Variants in FHIT observed in about 807,000 individuals in gnomAD.
FHIT encodes bis(5'-adenosyl)-triphosphatase.
FHIT carries 19 observed loss-of-function variants against 17.9 expected under a neutral mutation model. The ratio of observed to expected loss-of-function variants is 1.06; its 90% confidence interval spans 0.74 to 1.56. The LOEUF (loss-of-function observed/expected upper bound fraction) is 1.56. Among genes scored for constraint, FHIT ranks in the 40% most tolerant of loss-of-function variants. The pLI is 0.00. For synonymous variants in FHIT, 81 were observed against 69.7 expected (o/e 1.16, Z -0.81); for missense variants, 248 against 189.2 (o/e 1.31, Z -1.82).
chr3:60,116,360 G>A (rs1283940165), intron 5 of FHIT, among the ~76,000 whole-genome samples: 3 of 152,120 alleles, frequency 2.0e-5, no homozygotes, highest in South Asian at 2.1e-4. Flanking sequence ...TGGAACAGTG[G>A]CACAAAGTAT....
At chr3:60,513,682 G>A (rs1184851379) in intron 5 of FHIT, among the ~76,000 whole-genome samples, 1 of 152,112 alleles carries the variant, frequency 6.6e-6, no homozygotes, top group African/African-American at 2.4e-5. Context: ...ATGGACACAG[G>A]GAACAATACA....
rs572670863 is a variant in FHIT, at chr3:60,991,409, G to A, written c.-111+50638C>T. Among the ~76,000 whole-genome samples, 3 of 150,308 alleles carry A rather than the reference G, an allele frequency of 2.0e-5. No homozygotes were observed. In the East Asian group the frequency reaches 5.8e-4, roughly 29 times the overall value. ...GTATTTTATATTAATGACAAGGACA[G>A]CCACCGAAGGTTCAAATCTCGGAAA... is the stretch of plus-strand genomic sequence containing the variant. On this transcript the variant is annotated intron_variant, in intron 3 of 9. Transcript: ENST00000492590.
intron 5 of FHIT, among the ~76,000 whole-genome samples, chr3:60,458,852 G>A (rs1389321623): frequency 6.6e-6 from 1 of 152,098 alleles, no homozygotes; most frequent in Non-Finnish European, 1.5e-5. Context: ...ACGGCTCACT[G>A]CAGCCTTGAA....
chr3:60,966,973 C>T (rs1221258933), intron 3 of FHIT, among the ~76,000 whole-genome samples: 2 of 152,180 alleles, frequency 1.3e-5, no homozygotes, highest in Non-Finnish European at 2.9e-5. Context: ...CTTTCAAAAA[C>T]TGTCATGGTT....
chr3:61,064,683 G>A (rs138833968), intron 2 of FHIT, among the ~76,000 whole-genome samples: 10 of 152,098 alleles, frequency 6.6e-5, no homozygotes, highest in Admixed American at 3.3e-4. Context: ...ACTTGAGAAC[G>A]CCCACACGCT....
intron 4 of FHIT, among the ~76,000 whole-genome samples, chr3:60,566,293 G>A (rs984963284): frequency 6.6e-6 from 1 of 152,088 alleles, no homozygotes; most frequent in African/African-American, 2.4e-5. Context: ...GGGATGCAAG[G>A]CTGGTTCAAC....
chr3:59,805,852 C>G (rs1294454043), intron 8 of FHIT, among the ~76,000 whole-genome samples: 1 of 152,154 alleles, frequency 6.6e-6, no homozygotes, highest in Non-Finnish European at 1.5e-5. Context: ...TCTGTAGACA[C>G]TACTTCTCTC....
At chr3:60,408,054 A>G (rs906389503) in intron 5 of FHIT, among the ~76,000 whole-genome samples, 1 of 152,100 alleles carries the variant, frequency 6.6e-6, no homozygotes, top group African/African-American at 2.4e-5. Context: ...ATCTGAGAAA[A>G]TTTTCCTCAA....
chr3:60,322,904 T>C (rs567798650), intron 5 of FHIT, among the ~76,000 whole-genome samples: 5 of 152,092 alleles, frequency 3.3e-5, no homozygotes, highest in Non-Finnish European at 7.4e-5. Flanking sequence ...AAAAATACAA[T>C]GTTTAACTAG....
At chr3:60,743,458 G>A (rs1553714428) in intron 4 of FHIT, among the ~76,000 whole-genome samples, 1 of 152,200 alleles carries the variant, frequency 6.6e-6, no homozygotes, top group Non-Finnish European at 1.5e-5. Context: ...GCACCTCCAG[G>A]AAGCTTATGG....
chr3:60,384,261 C>T lies in FHIT; in HGVS notation c.103+152599G>A, dbSNP rs543852978. On this transcript the variant is annotated intron_variant, in intron 5 of 9. Transcript: ENST00000492590. ...CCAGCCTGGTGACAGACCAAGACTC[C>T]GTCTTAAAAAAAAAAAAAAAAATTG... Among the ~76,000 whole-genome samples, 502 of 136,668 alleles carry T rather than the reference C, an allele frequency of 3.7e-3. 9 individuals carry two copies. In the Middle Eastern group the frequency reaches 0.047, roughly 13 times the overall value. The allele number at this position is 136,668 out of a possible 152,430, so 89.7% of individuals were successfully genotyped here.
chr3:60,398,737 T>G (rs1279872121), intron 5 of FHIT, among the ~76,000 whole-genome samples: 1 of 152,278 alleles, frequency 6.6e-6, no homozygotes, highest in African/African-American at 2.4e-5. Context: ...ATCCAAATTT[T>G]GTGGAAGGAA....
At chr3:60,797,527 C>T (rs1701027443) in intron 4 of FHIT, among the ~76,000 whole-genome samples, 1 of 151,296 alleles carries the variant, frequency 6.6e-6, no homozygotes, top group South Asian at 2.1e-4. Context: ...TATTTTCTTT[C>T]ATCAGAATCT....
At chr3:59,823,807 TCAC>T (rs1329696326) in intron 8 of FHIT, among the ~76,000 whole-genome samples, 2 of 152,120 alleles carry the variant, frequency 1.3e-5, no homozygotes, top group Admixed American at 6.6e-5. Flanking sequence ...ATGCCCTCTG[TCAC>T]CACTTCTATT....
intron 8 of FHIT, among the ~76,000 whole-genome samples, chr3:59,890,927 G>T (rs1703828350): frequency 6.6e-6 from 1 of 152,114 alleles, no homozygotes; most frequent in Non-Finnish European, 1.5e-5. Flanking sequence ...TCATTCTGAA[G>T]AACAAAGAGC....
intron 2 of FHIT, among the ~76,000 whole-genome samples, chr3:61,099,906 CA>C (rs2035764218): frequency 6.6e-6 from 1 of 151,880 alleles, no homozygotes; most frequent in Non-Finnish European, 1.5e-5. Context: ...AGTAATTGAA[CA>C]ATTCTACAAG....
Position 60,089,179 on chromosome 3 carries a change from C to A in FHIT, c.104-75027G>T, listed in dbSNP as rs539887427. Among the ~76,000 whole-genome samples the A allele has an allele frequency of 5.9e-4, 90 of 152,308 alleles. No individual in the cohort carries two copies. In the Middle Eastern group the frequency reaches 0.017, roughly 29 times the overall value. On this transcript the variant is annotated intron_variant, in intron 5 of 9. Transcript: ENST00000492590. Reference sequence around the variant, plus strand: ...TTGGATGTGGAGGGAACACTCCAAGCACACTTCTTATGAAGACCTATAATC... The same window carrying A: ...TTGGATGTGGAGGGAACACTCCAAGAACACTTCTTATGAAGACCTATAATC...
At chr3:59,932,155 C>T (rs2107232565) in intron 7 of FHIT, among the ~76,000 whole-genome samples, 1 of 152,228 alleles carries the variant, frequency 6.6e-6, no homozygotes, top group Admixed American at 6.5e-5. Flanking sequence ...TCCATTTTGC[C>T]AATCAATTTC....
chr3:60,436,445 A>T (rs1259019126), intron 5 of FHIT, among the ~76,000 whole-genome samples: 2 of 152,130 alleles, frequency 1.3e-5, no homozygotes, highest in Admixed American at 6.6e-5. Flanking sequence ...CAGTGTGCCC[A>T]TCATGCCAGC....
Sources: allele counts gnomAD v4.1 joint callset (sites outside exome capture counted in the v4.1 genomes callset), GRCh38; gene constraint gnomAD v4.1.1; transcripts MANE v1.5; gene names NCBI Gene and HGNC (gene_info 2026-07-23, HGNC 2026-07-21).